DNAH3: variants seen among roughly 807,000 people sequenced by gnomAD.
The protein encoded by DNAH3 is axonemal beta dynein heavy chain 3.
A neutral mutation model predicts 432.5 loss-of-function variants in DNAH3; 332 were observed. The observed-to-expected ratio is 0.77, with a 90% CI of 0.70 to 0.84. The LOEUF (loss-of-function observed/expected upper bound fraction) is 0.84. DNAH3 is among the 40% of genes least tolerant of loss of function. The pLI is 0.00. For missense variants in DNAH3, 4,861 were observed against 5,114.0 expected, an observed-to-expected ratio of 0.95 and a Z score of 1.51; for synonymous variants, 1,956 against 1,900.2, an observed-to-expected ratio of 1.03 and a Z score of -0.76.
exon 53 of DNAH3, chr16:20,965,031 C>G (rs2084990355): frequency 6.2e-7 from 1 of 1,613,954 alleles, no homozygotes; most frequent in African/African-American, 1.3e-5. Context: ...CCTCCAAGTC[C>G]TTTTTCTTGG....
intron 18 of DNAH3, among the ~76,000 whole-genome samples, chr16:21,092,263 G>T (rs915248129): frequency 6.6e-6 from 1 of 152,108 alleles, no homozygotes; most frequent in Non-Finnish European, 1.5e-5. Context: ...GCAAAAGAAA[G>T]TCACATAGAT....
At chr16:21,101,984 G>C (rs1422861126) in intron 16 of DNAH3, among the ~76,000 whole-genome samples, 2 of 152,192 alleles carry the variant, frequency 1.3e-5, no homozygotes, top group African/African-American at 4.8e-5. Context: ...ATGTGGACTG[G>C]GAAAATAAAG....
At chr16:20,975,789 G>C (rs1443840664) in intron 50 of DNAH3, among the ~76,000 whole-genome samples, 1 of 152,204 alleles carries the variant, frequency 6.6e-6, no homozygotes, top group Non-Finnish European at 1.5e-5. Flanking sequence ...CTGTCACCCA[G>C]GCTGGAGTGC....
chr16:21,127,852 G>T, intron 7 of DNAH3, 40 bp from the exon 9 acceptor site: 1 of 1,611,852 alleles, frequency 6.2e-7, no homozygotes, highest in Non-Finnish European at 8.5e-7. Context: ...GCTAAAGAAC[G>T]CTTAATAACA....
At chr16:20,989,203 C>T (rs1259705190) in intron 44 of DNAH3, among the ~76,000 whole-genome samples, 1 of 152,198 alleles carries the variant, frequency 6.6e-6, no homozygotes, top group Non-Finnish European at 1.5e-5. Flanking sequence ...TCTGTTTTGA[C>T]AGGGTGCTGA....
rs2091391201 is a variant in DNAH3 at position 21,086,832 on chromosome 16, C to T, written c.2877+17G>A. On this transcript the variant is annotated intron_variant, in intron 19 of 61. Transcript: ENST00000261383. Reference sequence around the variant, plus strand: ...CTGGGCTGCGCTGCTTGGGGGCGGGCAGTGATTGATAGAAACCTGCTGCCA... The same window carrying T: ...CTGGGCTGCGCTGCTTGGGGGCGGGTAGTGATTGATAGAAACCTGCTGCCA... 1 of 1,612,244 alleles carries T rather than the reference C, an allele frequency of 6.2e-7. No homozygotes were observed. The highest frequency in any genetic ancestry group is 1.3e-5 in the African/African-American group (1 of 74,990).
At chr16:21,009,812 C>T (rs2087491876) in intron 41 of DNAH3, among the ~76,000 whole-genome samples, 1 of 151,510 alleles carries the variant, frequency 6.6e-6, no homozygotes, top group East Asian at 2.0e-4. Flanking sequence ...GGCACTAAGA[C>T]TGCAGTGAGC....
At chr16:21,140,668 C>T (rs1171199098) in exon 5 of DNAH3, 2 of 1,614,002 alleles carry the variant, frequency 1.2e-6, no homozygotes, top group East Asian at 2.2e-5. Flanking sequence ...TTACCTCCTT[C>T]TTCATGGGTG....
At chr16:21,130,035 A>C (rs937494542) in intron 7 of DNAH3, 1 of 148,604 alleles carries the variant, frequency 6.7e-6, no homozygotes, top group African/African-American at 2.5e-5. Flanking sequence ...TTAGCACATA[A>C]CCAGGACCTG....
intron 1 of DNAH3, chr16:21,159,312 AC>A (rs1346445135): frequency 6.2e-7 from 1 of 1,607,348 alleles, no homozygotes; most frequent in Admixed American, 1.7e-5. Context: ...TGGGACGCGG[AC>A]CCCCTCTCCA....
intron 36 of DNAH3, among the ~76,000 whole-genome samples, chr16:21,032,090 C>G (rs750359586): frequency 1.3e-5 from 2 of 151,464 alleles, no homozygotes; most frequent in African/African-American, 4.9e-5. Context: ...AGAACTCAAG[C>G]AGGAAGGGAG....
At chr16:20,959,638 CACACACACACA>C (rs975244746) in intron 53 of DNAH3, among the ~76,000 whole-genome samples, 1 of 151,440 alleles carries the variant, frequency 6.6e-6, no homozygotes, top group African/African-American at 2.4e-5. Flanking sequence ...CACACACACA[CACACACACACA>C]CACACACCCC....
intron 31 of DNAH3, among the ~76,000 whole-genome samples, chr16:21,043,597 A>G (rs1372717407): frequency 1.6e-4 from 7 of 44,216 alleles, no homozygotes; most frequent in Non-Finnish European, 2.1e-4. Flanking sequence ...AGTAGGTTGC[A>G]AAAATTTTCT....
chr16:21,011,150 A>G (rs993786449), intron 41 of DNAH3, among the ~76,000 whole-genome samples: 1 of 152,152 alleles, frequency 6.6e-6, no homozygotes, highest in Non-Finnish European at 1.5e-5. Context: ...GCAGAAGGAA[A>G]GGAAAGAGGT....
chr16:20,988,058 G>A (rs2086294851), exon 45 of DNAH3: 1 of 1,614,014 alleles, frequency 6.2e-7, no homozygotes, highest in East Asian at 2.2e-5. Flanking sequence ...GATGGCGAGT[G>A]AATCGTCCTG....
chr16:20,993,908 T>C (rs962722996), intron 44 of DNAH3, among the ~76,000 whole-genome samples: 1 of 152,206 alleles, frequency 6.6e-6, no homozygotes, highest in Non-Finnish European at 1.5e-5. Flanking sequence ...GCCTTGGTAG[T>C]GATCATTTTG....
chr16:21,055,793 A>G (rs1205168673), intron 27 of DNAH3, among the ~76,000 whole-genome samples: 1 of 146,164 alleles, frequency 6.8e-6, no homozygotes, highest in Non-Finnish European at 1.5e-5. Context: ...TCACCTAGGC[A>G]GGAGTGCACA....
In DNAH3 at chr16:21,140,730, C is replaced by T. The variant is rs763373834; in HGVS notation, c.522-20G>A. ...TTGATCCTGAAAAGTAGACACAGCT[C>T]AGCCCTTGGTGTTTGGTTCTCCAGA... On this transcript the variant is annotated intron_variant, in intron 4 of 61. Transcript: ENST00000261383. 6.2e-7 allele frequency: 1 copy of T among 1,612,384 alleles called. No homozygotes were observed. The highest frequency in any genetic ancestry group is 8.5e-7 in the Non-Finnish European group (1 of 1,178,964).
At chr16:21,016,598 C>A (rs953471486) in intron 41 of DNAH3, among the ~76,000 whole-genome samples, 5 of 152,278 alleles carry the variant, frequency 3.3e-5, no homozygotes, top group African/African-American at 1.2e-4. Context: ...GAAAACATTA[C>A]AGCAGTTCCT....
Sources: gnomAD v4.1 joint callset for allele counts (sites outside exome capture counted in the v4.1 genomes callset) on GRCh38, gnomAD v4.1.1 for gene constraint, MANE v1.5 for transcripts, NCBI Gene and HGNC (gene_info 2026-07-23, HGNC 2026-07-21) for gene names.